Variants in SLCO2A1 observed in about 807,000 individuals in gnomAD.
SLCO2A1 encodes the protein solute carrier organic anion transporter family member 2A1.
SLCO2A1 carries 60 observed loss-of-function variants against 71.7 expected under a neutral mutation model. The ratio of observed to expected loss-of-function variants is 0.84; its 90% CI spans 0.68 to 1.04. The LOEUF (loss-of-function observed/expected upper bound fraction) is 1.04. Ranked by LOEUF, SLCO2A1 falls within the 50% of genes least tolerant of loss-of-function variation. SLCO2A1 has a pLI of 0.00. For missense variants in SLCO2A1, 745 were observed against 813.4 expected (o/e 0.92, Z 1.02); for synonymous variants, 308 against 326.7 (o/e 0.94, Z 0.62).
At chr3:133,943,256 A>C (rs746305920) in intron 10 of SLCO2A1, among the ~76,000 whole-genome samples, 2 of 151,986 alleles carry the variant, frequency 1.3e-5, no homozygotes, top group Non-Finnish European at 1.5e-5. Flanking sequence ...CCTGAAAGGA[A>C]CTCCTGCCTA....
Position 133,948,683 on chromosome 3 carries a change from G to A in SLCO2A1, c.958C>T (p.Leu320=). 1 of 1,614,048 alleles carries A rather than the reference G, an allele frequency of 6.2e-7. No homozygotes were observed. The highest frequency in any genetic ancestry group is 8.5e-7 in the Non-Finnish European group (1 of 1,179,924). ...AAGAGTGAGTTCATCAGGAGCCTCA[G>A]AAAGATGCATGGAAACCCTGTGAAC... is the stretch of plus-strand genomic sequence containing the variant. ...DFIKRFPCIF[L]RLLMNSLFVL... The change falls in exon 8 of 14, where the codon CTG becomes TTG. Residue 320 remains leucine (L), a synonymous_variant. Transcript: ENST00000310926.
chr3:133,978,112 G>A (rs1934502530), intron 2 of SLCO2A1, among the ~76,000 whole-genome samples: 1 of 152,178 alleles, frequency 6.6e-6, no homozygotes, highest in Non-Finnish European at 1.5e-5. Context: ...TGGCGAAAGA[G>A]CCCATGGAGG....
intron 3 of SLCO2A1, among the ~76,000 whole-genome samples, chr3:133,958,348 G>A (rs1650666458): frequency 6.6e-6 from 1 of 152,220 alleles, no homozygotes. Flanking sequence ...CAGAGGGTGA[G>A]AGGCTGCTGG....
At chr3:133,982,416 G>C (rs530339876) in intron 1 of SLCO2A1, among the ~76,000 whole-genome samples, 6 of 152,056 alleles carry the variant, frequency 3.9e-5, no homozygotes, top group African/African-American at 1.5e-4. Flanking sequence ...CAGAACTTTC[G>C]CCAGAGTTTT....
intron 3 of SLCO2A1, among the ~76,000 whole-genome samples, chr3:133,970,291 C>A (rs1468981749): frequency 6.6e-6 from 1 of 151,922 alleles, no homozygotes; most frequent in Non-Finnish European, 1.5e-5. Context: ...CAGGGATGAA[C>A]TGAAACTCAG....
Position 133,945,185 on chromosome 3 carries a change from C to T in SLCO2A1, c.1371G>A (p.Pro457=), listed in dbSNP as rs199835859. ...DCSCPDSIFH[P]VCGDNGIEYL... ...ACTCGATTCCATTGTCTCCACAGAC[C>T]GGGTGGAAGATAGAATCTGGGCACG... Residue 457 remains proline (P), a synonymous_variant, in exon 10 of 14, where the codon CCG becomes CCA. Transcript: ENST00000310926. 3.0e-5 allele frequency: 48 copies of T among 1,613,954 alleles called. No homozygotes were observed. Among genetic ancestry groups the T allele is most frequent in the East Asian group, 1.6e-4 (7 of 44,886 alleles).
intron 1 of SLCO2A1, among the ~76,000 whole-genome samples, chr3:134,006,807 A>T (rs1219762816): frequency 6.6e-6 from 1 of 152,122 alleles, no homozygotes; most frequent in East Asian, 1.9e-4. Flanking sequence ...TCTCTTTGAG[A>T]CCCTGCTTTC....
In SLCO2A1 at chr3:133,967,129, C is replaced by T. The variant is rs558066469; in HGVS notation, c.397+6534G>A. Among the ~76,000 whole-genome samples, 4 of 152,336 alleles carry T rather than the reference C, an allele frequency of 2.6e-5. No individual in the cohort carries two copies. In the East Asian group the frequency reaches 7.7e-4, roughly 29 times the overall value. On this transcript the variant is annotated intron_variant, in intron 3 of 13. Coordinates refer to ENST00000310926, the MANE Select transcript of SLCO2A1 (RefSeq NM_005630.3). ...CGACTCTCAGCGGAGCAGGCTGCAG[C>T]TTGCCTCCTGGACCCTCCCCCCAAG...
At chr3:133,994,412 C>T (rs952743293) in intron 1 of SLCO2A1, among the ~76,000 whole-genome samples, 1 of 152,218 alleles carries the variant, frequency 6.6e-6, no homozygotes, top group Non-Finnish European at 1.5e-5. Context: ...CCAGTTACCT[C>T]AGTGCCATGT....
intron 3 of SLCO2A1, among the ~76,000 whole-genome samples, chr3:133,966,868 C>T (rs1934190802): frequency 6.6e-6 from 1 of 152,202 alleles, no homozygotes; most frequent in African/African-American, 2.4e-5. Context: ...TCCCTGTCTC[C>T]CTTGGGGATG....
intron 1 of SLCO2A1, among the ~76,000 whole-genome samples, chr3:133,999,837 G>C (rs147305997): frequency 1.6e-4 from 24 of 152,284 alleles, no homozygotes; most frequent in Non-Finnish European, 3.4e-4. Flanking sequence ...AACCAAGTCA[G>C]AAAAAGGGTT....
rs141677353 is a variant in SLCO2A1 at position 134,006,393 on chromosome 3, G to A, written c.96+23314C>T. 3.9e-3 allele frequency among the ~76,000 whole-genome samples: 586 copies of A among 152,170 alleles called. 1 individual carries two copies. Among genetic ancestry groups the A allele is most frequent in the African/African-American group, 0.013 (534 of 41,508 alleles). On this transcript the variant is annotated intron_variant, in intron 1 of 13. Coordinates refer to ENST00000310926, the MANE Select transcript of SLCO2A1 (RefSeq NM_005630.3). ...GGCATTAAGTACATTCACGTGTTGC[G>A]CGACCATCACCGTCATCCATCTCTA...
intron 1 of SLCO2A1, among the ~76,000 whole-genome samples, chr3:134,022,757 T>C (rs981449077): frequency 1.3e-5 from 2 of 152,200 alleles, no homozygotes; most frequent in East Asian, 3.8e-4. Context: ...AAAAATCATA[T>C]GAGAAGCACT....
intron 1 of SLCO2A1, among the ~76,000 whole-genome samples, chr3:134,006,063 T>C (rs1441702403): frequency 7.2e-5 from 11 of 152,104 alleles, no homozygotes; most frequent in Admixed American, 7.2e-4. Context: ...TCTTACCCTT[T>C]TTTATTAATA....
rs781731345 is a variant in SLCO2A1 at position 133,948,847 on chromosome 3, C to T, written c.940+46G>A. 1.9e-6 allele frequency: 3 copies of T among 1,601,992 alleles called. No homozygotes were observed. In the Admixed American group the frequency reaches 5.0e-5, roughly 27 times the overall value. On this transcript the variant is annotated intron_variant, in intron 7 of 13. Transcript: ENST00000310926. ...CTGGGGTCCCCCTGGCCACTATCCC[C>T]TCCCCCGCACTGTGCCAGCCCACCC...
chr3:133,946,811 G>C (rs753862899), intron 9 of SLCO2A1, among the ~76,000 whole-genome samples: 1 of 152,094 alleles, frequency 6.6e-6, no homozygotes, highest in African/African-American at 2.4e-5. Context: ...AAGTTGCCAC[G>C]TGAGAGATCA....
chr3:134,025,762 C>T (rs1935689655), intron 1 of SLCO2A1, among the ~76,000 whole-genome samples: 1 of 152,090 alleles, frequency 6.6e-6, no homozygotes, highest in Non-Finnish European at 1.5e-5. Flanking sequence ...ATAACCAATC[C>T]CCTTGATCCT....
At chr3:133,998,250 G>A (rs1935021088) in intron 1 of SLCO2A1, among the ~76,000 whole-genome samples, 1 of 152,172 alleles carries the variant, frequency 6.6e-6, no homozygotes, top group South Asian at 2.1e-4. Flanking sequence ...TGGCTCTCAG[G>A]TGACTTAGGA....
intron 3 of SLCO2A1, among the ~76,000 whole-genome samples, chr3:133,963,905 G>A (rs957011274): frequency 1.3e-5 from 2 of 152,202 alleles, no homozygotes; most frequent in Admixed American, 6.5e-5. Flanking sequence ...GGAACAGACT[G>A]TCCCAAACTC....
Sources: allele counts gnomAD v4.1 joint callset (sites outside exome capture counted in the v4.1 genomes callset), GRCh38; gene constraint gnomAD v4.1.1; transcripts MANE v1.5; gene names NCBI Gene and HGNC (gene_info 2026-07-23, HGNC 2026-07-21).